The following PRDM2 variants were observed in gnomAD, a reference collection of about 807,000 sequenced individuals.
PRDM2 encodes the protein PR domain zinc finger protein 2.
PRDM2 carries 30 observed loss-of-function variants against 130.0 expected under a neutral mutation model. The observed-to-expected ratio is 0.23, with a 90% CI of 0.17 to 0.31. The LOEUF (loss-of-function observed/expected upper bound fraction) is 0.31. Ranked by LOEUF, PRDM2 falls within the 10% of genes least tolerant of loss-of-function variation. The pLI, the probability that PRDM2 is intolerant of heterozygous loss-of-function variation, is 1.00. For missense variants in PRDM2, 2,011 were observed against 2,108.4 expected, an observed-to-expected ratio of 0.95 and a Z score of 0.90; for synonymous variants, 871 against 782.4, an observed-to-expected ratio of 1.11 and a Z score of -1.89.
chr1:13,787,280 G>A (rs1441691697), intron 8 of PRDM2: 5 of 983,116 alleles, frequency 5.1e-6, no homozygotes, highest in Non-Finnish European at 6.0e-6. Flanking sequence ...GGCCTGTACA[G>A]ATGTATGTCT....
chr1:13,757,587 T>C (rs1395795026), intron 6 of PRDM2, among the ~76,000 whole-genome samples: 1 of 152,218 alleles, frequency 6.6e-6, no homozygotes, highest in East Asian at 1.9e-4. Flanking sequence ...AGCTGAATGT[T>C]ATATAGACAA....
intron 6 of PRDM2, among the ~76,000 whole-genome samples, chr1:13,757,621 G>A (rs1643989182): frequency 6.6e-6 from 1 of 152,166 alleles, no homozygotes; most frequent in Non-Finnish European, 1.5e-5. Context: ...TAATTAATGT[G>A]TAGTCTAAAG....
chr1:13,734,291 A>G (rs1228708658), intron 4 of PRDM2, among the ~76,000 whole-genome samples: 1 of 152,176 alleles, frequency 6.6e-6, no homozygotes, highest in East Asian at 1.9e-4. Flanking sequence ...TATGCTCCCA[A>G]ATAAACTGCA....
intron 2 of PRDM2, among the ~76,000 whole-genome samples, chr1:13,718,941 C>T (rs1313728297): frequency 6.6e-6 from 1 of 152,134 alleles, no homozygotes; most frequent in Non-Finnish European, 1.5e-5. Context: ...AAAATTCATT[C>T]ATTCCTTCCC....
Position 13,803,003 on chromosome 1 carries a change from T to C in PRDM2, c.5037-13424T>C, listed in dbSNP as rs2281165. ...CCGCTCCTCCACCCTGCTGGGCTTC[T>C]CTCACCCGGGCTGGTCGTGTCACGG... On this transcript the variant is annotated intron_variant, in intron 8 of 9. Coordinates refer to ENST00000311066, the MANE Select transcript of PRDM2 (RefSeq NM_001393986.1). This position sits in a 1 kb window ranked among gnomAD's most constrained non-coding sequence, Gnocchi z 6.2. Among the ~76,000 whole-genome samples, 5,368 of 152,310 alleles carry C rather than the reference T, an allele frequency of 0.035. 148 individuals are homozygous for C. The highest frequency in any genetic ancestry group is 0.067 in the South Asian group (323 of 4,826).
rs1013691491 is a variant in PRDM2 at position 13,780,392 on chromosome 1, A to C, written c.2597A>C (p.Lys866Thr). The C allele has an allele frequency of 3.1e-6, 5 of 1,614,092 alleles. No homozygotes were observed. In the African/African-American group the frequency reaches 6.7e-5, roughly 22 times the overall value. Residue 866 changes from lysine (K) to threonine (T), a missense_variant, in exon 8 of 10, where the codon AAA becomes ACA. Physicochemically the swap from Lys to Thr is moderately conservative, Grantham distance 78 (BLOSUM62 -1). Around this residue, in one of 5 missense-constraint regions of PRDM2, gnomAD observed 1,288 missense variants for 1,237.7 expected, o/e 1.04. Coordinates refer to ENST00000311066, the MANE Select transcript of PRDM2 (RefSeq NM_001393986.1). ...AGTGACTCTGAAGGCAAGGAATTCA[A>C]AGAAAGTCATTCAGTGCAGCCTACG... ...HCSDSEGKEF[K>T]ESHSVQPTCS...
intron 1 of PRDM2, among the ~76,000 whole-genome samples, chr1:13,712,452 C>T (rs1642400637): frequency 6.6e-6 from 1 of 152,206 alleles, no homozygotes; most frequent in South Asian, 2.1e-4. Context: ...ACAGCAGCTC[C>T]ATCCTCCCAT....
At position 13,823,246 on chromosome 1, in the gene PRDM2, T is replaced by C. The variant is rs569650039; in HGVS notation, c.*111T>C. ...CCGACCTATCCCAGTTGTGTGAGGC[T>C]GCGAGAGAAAGGGAGTGCATGTGCG... On this transcript the variant is annotated 3_prime_UTR_variant, in exon 10 of 10. Transcript: ENST00000311066. 424 of 1,576,474 alleles carry C rather than the reference T, an allele frequency of 2.7e-4. No individual in the cohort carries two copies. Among genetic ancestry groups the C allele is most frequent in the Middle Eastern group, 1.2e-3 (7 of 5,992 alleles).
intron 9 of PRDM2, 122 bp from the exon 10 acceptor site, chr1:13,823,037 A>G (rs927052405): frequency 1.0e-6 from 1 of 955,182 alleles, no homozygotes; most frequent in South Asian, 1.5e-5. Context: ...TTTTTGCTCT[A>G]TGTATGGTAT....
intron 6 of PRDM2, among the ~76,000 whole-genome samples, chr1:13,757,544 A>G (rs1263519104): frequency 2.6e-5 from 4 of 152,198 alleles, no homozygotes; most frequent in African/African-American, 9.6e-5. Flanking sequence ...TGGTTGTTCC[A>G]CCAATAAAAA....
intron 8 of PRDM2, among the ~76,000 whole-genome samples, chr1:13,809,446 T>C (rs1557674539): frequency 6.6e-6 from 1 of 152,156 alleles, no homozygotes; most frequent in Non-Finnish European, 1.5e-5. Context: ...GGGACCGTGT[T>C]GAGTCTCAGG....
chr1:13,776,452 G>A (rs527819580), intron 7 of PRDM2, among the ~76,000 whole-genome samples: 78 of 152,284 alleles, frequency 5.1e-4, no homozygotes, highest in Admixed American at 1.4e-3. Context: ...GCACGAAACC[G>A]CGATTACAGC....
At chr1:13,749,262 C>CAA (rs1643722572) in intron 5 of PRDM2, 99 bp from the exon 6 acceptor site, 1 of 1,144,490 alleles carries the variant, frequency 8.7e-7, no homozygotes, top group Admixed American at 4.0e-5. Context: ...CAGCTGTTTG[C>CAA]CATCGGCGCC....
chr1:13,713,800 G>A (rs755903108), intron 1 of PRDM2, among the ~76,000 whole-genome samples: 16 of 152,128 alleles, frequency 1.1e-4, no homozygotes, highest in Non-Finnish European at 1.5e-4. Flanking sequence ...GTCAGTAGGC[G>A]TTTCTGGTCG....
chr1:13,749,577 CGA>C, intron 6 of PRDM2, 90 bp downstream of exon 6: 2 of 889,420 alleles, frequency 2.2e-6, no homozygotes, highest in Non-Finnish European at 2.7e-6. Flanking sequence ...GGCCCGACCG[CGA>C]GGCGGGTCGC....
At position 13,782,430 on chromosome 1, in the gene PRDM2, A is replaced by T. The variant is rs201065559; in HGVS notation, c.4635A>T (p.Pro1545=). The change falls in exon 8 of 10, where the codon CCA becomes CCT. Residue 1545 remains proline (P), a synonymous_variant. Transcript: ENST00000311066. Reference sequence around the variant, plus strand: ...GCAGCTCAGGCCCCACCCAAGTCCCACTTCCCTCCTCATCCTTCAGGTCCA... The same window carrying T: ...GCAGCTCAGGCCCCACCCAAGTCCCTCTTCCCTCCTCATCCTTCAGGTCCA... The part of the protein sequence containing the change: ...RARSSGPTQV[P]LPSSSFRSKQ... The T allele has an allele frequency of 1.2e-6, 2 of 1,613,960 alleles. No individual in the cohort carries two copies. Among genetic ancestry groups the T allele is most frequent in the East Asian group, 4.5e-5 (2 of 44,864 alleles).
chr1:13,774,731 C>T (rs980911492), intron 7 of PRDM2, among the ~76,000 whole-genome samples: 1 of 152,136 alleles, frequency 6.6e-6, no homozygotes, highest in Admixed American at 6.5e-5. Flanking sequence ...AATCCCAGCA[C>T]TTTGGGAGGC....
intron 5 of PRDM2, among the ~76,000 whole-genome samples, chr1:13,743,992 C>A (rs1369723530): frequency 6.6e-6 from 1 of 152,140 alleles, no homozygotes; most frequent in African/African-American, 2.4e-5. Context: ...AGGAGAAATA[C>A]ATATGGTTGA....
At chr1:13,768,213 GACTAT>G (rs1194273582) in intron 6 of PRDM2, among the ~76,000 whole-genome samples, 15 of 151,034 alleles carry the variant, frequency 9.9e-5, no homozygotes, top group Admixed American at 4.6e-4. Flanking sequence ...AAGTAGCTGG[GACTAT>G]ACTACAGGCG....
Sources: gnomAD v4.1 joint callset for allele counts (sites outside exome capture counted in the v4.1 genomes callset) on GRCh38, gnomAD v4.1.1 for gene constraint, gnomAD v4.1.1 regional missense constraint, Gnocchi (gnomAD v3.1) non-coding constraint, MANE v1.5 for transcripts, NCBI Gene and HGNC (gene_info 2026-07-23, HGNC 2026-07-21) for gene names.